Variants in KLF12 observed in about 807,000 individuals in gnomAD.
The protein encoded by KLF12 is Krueppel-like factor 12.
A neutral mutation model predicts 37.8 loss-of-function variants in KLF12; 9 were observed. The observed-to-expected ratio is 0.24, with a 90% CI of 0.14 to 0.42. The LOEUF (loss-of-function observed/expected upper bound fraction) is 0.42. KLF12 is among the 10% of genes least tolerant of loss of function. The pLI, the probability that KLF12 is intolerant of heterozygous loss-of-function variation, is 1.00. For synonymous variants in KLF12, 208 were observed against 202.1 expected, an observed-to-expected ratio of 1.03 and a Z score of -0.25; for missense variants, 411 against 516.0, an observed-to-expected ratio of 0.80 and a Z score of 1.97.
intron 3 of KLF12, among the ~76,000 whole-genome samples, chr13:73,917,680 A>G (rs1053689803): frequency 7.9e-5 from 12 of 152,212 alleles, no homozygotes; most frequent in African/African-American, 2.7e-4. Flanking sequence ...AATACATGAA[A>G]TACTAAATCT....
chr13:74,280,825 C>CTTTTTTTTT, the KLF12 span, among the ~76,000 whole-genome samples: 48 of 110,556 alleles, frequency 4.3e-4, no homozygotes, highest in African/African-American at 1.4e-3. Flanking sequence ...TTTCTTTTTT[C>CTTTTTTTTT]TTTTTTTTTT....
At chr13:73,738,732 C>A (rs1877719244) in intron 6 of KLF12, among the ~76,000 whole-genome samples, 1 of 152,052 alleles carries the variant, frequency 6.6e-6, no homozygotes, top group African/African-American at 2.4e-5. Context: ...AGAACAAAGA[C>A]CATGATAAAC....
intron 7 of KLF12, 78 bp from the exon 8 acceptor site, chr13:73,695,749 G>T: frequency 3.0e-6 from 4 of 1,322,790 alleles, no homozygotes; most frequent in South Asian, 1.3e-5. Context: ...TCTATTTTGG[G>T]AAACTGGTGT....
At chr13:73,735,873 T>C (rs1252782599) in intron 6 of KLF12, among the ~76,000 whole-genome samples, 2 of 152,052 alleles carry the variant, frequency 1.3e-5, no homozygotes, top group South Asian at 2.1e-4. Flanking sequence ...TAAGGATGCA[T>C]AGGCCAACTG....
the KLF12 span, among the ~76,000 whole-genome samples, chr13:74,274,336 A>C: frequency 6.6e-6 from 1 of 152,160 alleles, no homozygotes; most frequent in African/African-American, 2.4e-5. Flanking sequence ...TGTCCTCATC[A>C]ACAAGAGAAA....
At chr13:73,943,565 C>A (rs752674587) in intron 3 of KLF12, among the ~76,000 whole-genome samples, 23 of 152,182 alleles carry the variant, frequency 1.5e-4, no homozygotes, top group Non-Finnish European at 3.2e-4. Context: ...AAAAGAGAAA[C>A]CCATCCAACA....
chr13:73,813,392 G>T, intron 4 of KLF12, 105 bp from the exon 5 acceptor site: 1 of 1,234,550 alleles, frequency 8.1e-7, no homozygotes, highest in Non-Finnish European at 1.2e-6. Flanking sequence ...TCATGCAAAT[G>T]GAATTCTCTA....
chr13:73,977,051 CT>C (rs113481989), intron 2 of KLF12, among the ~76,000 whole-genome samples: 7,541 of 139,564 alleles, frequency 0.054, 322 homozygotes, highest in African/African-American at 0.13. Context: ...AGACAACATA[CT>C]TTTTTTTTTT....
chr13:74,094,603 CT>C (rs112013862), intron 1 of KLF12, among the ~76,000 whole-genome samples: 16,802 of 142,698 alleles, frequency 0.12, 1,039 homozygotes, highest in Non-Finnish European at 0.16. Flanking sequence ...TCTATCTTTT[CT>C]TTTTTTTTTT....
chr13:73,780,072 G>C (rs1880863057), intron 5 of KLF12, among the ~76,000 whole-genome samples: 1 of 152,174 alleles, frequency 6.6e-6, no homozygotes, highest in Admixed American at 6.5e-5. Flanking sequence ...GGTAGAAATA[G>C]CAAGAGAACT....
chr13:74,079,441 A>G (rs1000848067), intron 1 of KLF12, among the ~76,000 whole-genome samples: 2 of 152,250 alleles, frequency 1.3e-5, no homozygotes, highest in Admixed American at 1.3e-4. Context: ...GGAAAAGAAC[A>G]GTATGTAAGA....
intron 4 of KLF12, among the ~76,000 whole-genome samples, chr13:73,839,328 CCTG>C (rs1284272951): frequency 1.3e-5 from 2 of 150,518 alleles, no homozygotes; most frequent in Non-Finnish European, 2.9e-5. Flanking sequence ...ATCTCGAGCT[CCTG>C]AGCTCAAGCA....
At chr13:74,086,426 T>A (rs978309046) in intron 1 of KLF12, among the ~76,000 whole-genome samples, 1 of 152,076 alleles carries the variant, frequency 6.6e-6, no homozygotes, top group Admixed American at 6.6e-5. Context: ...ATTTCATCCA[T>A]GTCCCTACAA....
chr13:73,695,863 G>A lies in KLF12; in HGVS notation c.1028-192C>T, dbSNP rs543874037. 6.6e-5 allele frequency among the ~76,000 whole-genome samples: 10 copies of A among 152,300 alleles called. No individual in the cohort carries two copies. In the East Asian group the frequency reaches 1.9e-3, roughly 29 times the overall value. ...TGGTTTCAATCTCGTCTTGCCTGCT[G>A]TGACATCTGGCAAGCTAGTTAACAC... is the stretch of plus-strand genomic sequence containing the variant. On this transcript the variant is annotated intron_variant, in intron 7 of 7. Coordinates refer to ENST00000377669, the MANE Select transcript of KLF12 (RefSeq NM_007249.5).
At chr13:73,861,494 G>A (rs2138805613) in intron 3 of KLF12, among the ~76,000 whole-genome samples, 1 of 152,246 alleles carries the variant, frequency 6.6e-6, no homozygotes, top group East Asian at 1.9e-4. Flanking sequence ...GTTATTAATG[G>A]CAGGTAATGT....
intron 2 of KLF12, among the ~76,000 whole-genome samples, chr13:73,960,824 G>GT (rs1021102448): frequency 3.9e-5 from 6 of 152,096 alleles, no homozygotes; most frequent in African/African-American, 1.4e-4. Flanking sequence ...AGAATGATAT[G>GT]TTTTTTATGT....
intron 7 of KLF12, among the ~76,000 whole-genome samples, chr13:73,708,772 T>TC (rs1285296474): frequency 1.3e-5 from 2 of 152,222 alleles, no homozygotes; most frequent in Non-Finnish European, 2.9e-5. Context: ...CGTGAGGGAA[T>TC]CCATAGTGCA....
intron 3 of KLF12, among the ~76,000 whole-genome samples, chr13:73,920,835 G>A (rs1339776432): frequency 6.6e-6 from 1 of 152,076 alleles, no homozygotes; most frequent in Non-Finnish European, 1.5e-5. Context: ...AAAGCAGCAA[G>A]CCTCAGAACC....
chr13:73,850,626 A>T (rs996726347), intron 3 of KLF12, among the ~76,000 whole-genome samples: 1 of 152,228 alleles, frequency 6.6e-6, no homozygotes, highest in Non-Finnish European at 1.5e-5. Context: ...GGAGCAATGC[A>T]TAATATTCTA....
Sources: gnomAD v4.1 joint callset for allele counts (sites outside exome capture counted in the v4.1 genomes callset) on GRCh38, gnomAD v4.1.1 for gene constraint, MANE v1.5 for transcripts, NCBI Gene and HGNC (gene_info 2026-07-23, HGNC 2026-07-21) for gene names.